MXI1: variants seen among roughly 807,000 people sequenced by gnomAD.
MXI1 encodes the protein max-interacting protein 1.
In MXI1, 18 loss-of-function variants were observed where a neutral mutation model predicts 36.9. That is an observed-to-expected ratio of 0.49 (90% CI 0.34 to 0.72). The LOEUF (loss-of-function observed/expected upper bound fraction) is 0.72. Among genes scored for constraint, MXI1 ranks in the 30% least tolerant of loss-of-function variants. The pLI, the probability that MXI1 is intolerant of heterozygous loss-of-function variation, is 0.01. For synonymous variants in MXI1, 160 were observed against 146.7 expected (o/e 1.09, Z -0.65); for missense variants, 304 against 379.1 (o/e 0.80, Z 1.64).
At chr10:110,251,010 T>TAA (rs60315131) in intron 3 of MXI1, among the ~76,000 whole-genome samples, 2,237 of 54,174 alleles carry the variant, frequency 0.041, 54 homozygotes, top group East Asian at 0.072. Flanking sequence ...AAGTATTTGT[T>TAA]AAAAAAAAAA....
At chr10:110,260,676 G>A (rs1212619848) in intron 3 of MXI1, among the ~76,000 whole-genome samples, 1 of 151,824 alleles carries the variant, frequency 6.6e-6, no homozygotes, top group African/African-American at 2.4e-5. Flanking sequence ...ATTTATATAA[G>A]ACTAGAATTT....
chr10:110,208,275 GA>G (rs1854413177), intron 1 of MXI1, 193 bp downstream of exon 1: 1 of 513,276 alleles, frequency 1.9e-6, no homozygotes, highest in African/African-American at 2.1e-5. Flanking sequence ...AAAGACGGGC[GA>G]GGGGGAGAGG....
At chr10:110,253,712 T>A (rs1856183401) in intron 3 of MXI1, among the ~76,000 whole-genome samples, 1 of 152,108 alleles carries the variant, frequency 6.6e-6, no homozygotes, top group Admixed American at 6.6e-5. Flanking sequence ...TTCAGCTGGA[T>A]TAAAAGTCTA....
At chr10:110,284,712 A>G in intron 5 of MXI1, 112 bp from the exon 6 acceptor site, 1 of 1,022,748 alleles carries the variant, frequency 9.8e-7, no homozygotes, top group Non-Finnish European at 1.4e-6. Context: ...CATCACTGAT[A>G]ATAAGCTTGT....
At chr10:110,215,380 A>C (rs1207217697) in intron 1 of MXI1, among the ~76,000 whole-genome samples, 1 of 152,148 alleles carries the variant, frequency 6.6e-6, no homozygotes, top group Non-Finnish European at 1.5e-5. Context: ...AGCACAGAGC[A>C]TCAGGGCCAG....
chr10:110,283,429 A>C (rs1829730519), intron 5 of MXI1, among the ~76,000 whole-genome samples: 2 of 152,126 alleles, frequency 1.3e-5, no homozygotes, highest in Admixed American at 6.5e-5. Context: ...ATGCCCAGCT[A>C]ATTTTTCTAT....
chr10:110,278,771 A>G (rs1391748188), intron 3 of MXI1, among the ~76,000 whole-genome samples: 3 of 152,130 alleles, frequency 2.0e-5, no homozygotes, highest in Non-Finnish European at 4.4e-5. Context: ...GGGGGGAAAT[A>G]GAAACTTGTG....
chr10:110,278,477 T>C (rs1857117146), intron 3 of MXI1, among the ~76,000 whole-genome samples: 1 of 152,142 alleles, frequency 6.6e-6, no homozygotes, highest in African/African-American at 2.4e-5. Flanking sequence ...CAGGGGATTA[T>C]TTTATGGGTT....
At chr10:110,217,978 A>T (rs989625890) in intron 1 of MXI1, among the ~76,000 whole-genome samples, 19 of 152,210 alleles carry the variant, frequency 1.2e-4, no homozygotes, top group African/African-American at 4.6e-4. Context: ...CAGGTGCTAT[A>T]ATAACCCTCA....
chr10:110,283,424 C>G (rs1269004816), intron 5 of MXI1, among the ~76,000 whole-genome samples: 1 of 152,082 alleles, frequency 6.6e-6, no homozygotes, highest in African/African-American at 2.4e-5. Flanking sequence ...CCACCATGCC[C>G]AGCTAATTTT....
At chr10:110,234,557 T>C (rs1017760940) in intron 2 of MXI1, among the ~76,000 whole-genome samples, 3 of 152,170 alleles carry the variant, frequency 2.0e-5, no homozygotes, top group Admixed American at 6.5e-5. Context: ...GCAGGTGTTA[T>C]ACATCTATGG....
chr10:110,223,561 G>C (rs1854873982), intron 1 of MXI1, among the ~76,000 whole-genome samples: 1 of 152,032 alleles, frequency 6.6e-6, no homozygotes, highest in Non-Finnish European at 1.5e-5. Flanking sequence ...GACAGAGTAA[G>C]ACTCCGTCTC....
intron 1 of MXI1, chr10:110,226,162 G>A (rs999881991): frequency 7.9e-6 from 11 of 1,389,028 alleles, no homozygotes; most frequent in Non-Finnish European, 1.0e-5. Context: ...GCCTCCTGTC[G>A]GCCCGAGAAG....
rs746035573 is a variant in MXI1 at position 110,207,965 on chromosome 10, G to A, written c.157G>A (p.Asp53Asn). The A allele has an allele frequency of 3.0e-5, 48 of 1,599,082 alleles. No individual in the cohort carries two copies. Among genetic ancestry groups the A allele is most frequent in the Non-Finnish European group, 2.0e-5 (24 of 1,173,418 alleles). Residue 53 changes from aspartate (D) to asparagine (N), a missense_variant, in exon 1 of 6, where the codon GAC becomes AAC. Coordinates refer to ENST00000332674, the MANE Select transcript of MXI1 (RefSeq NM_130439.3). ...GGCCAAGCCCAGGTGCCCCTTCTCA[G>A]ACATTTTCAACACCAGCGAGAACTC... is the stretch of plus-strand genomic sequence containing the variant. ...AGAKPRCPFS[D>N]IFNTSENSME...
chr10:110,227,925 C>CAAAA (rs201839727), intron 1 of MXI1: 25,812 of 442,180 alleles, frequency 0.058, 1,126 homozygotes, highest in Middle Eastern at 0.13. Context: ...TCTGAAATCT[C>CAAAA]AAGTTCTTGG....
In MXI1 at chr10:110,285,266, T is replaced by G; in HGVS notation, c.*279T>G. On this transcript the variant is annotated 3_prime_UTR_variant, in exon 6 of 6. Coordinates refer to ENST00000332674, the MANE Select transcript of MXI1 (RefSeq NM_130439.3). ...GAAAACTTGTGTGAAATTTTCTTGA[T>G]TTGAGTTGATTGAGAAGAGGACATT... The G allele has an allele frequency of 3.4e-6, 1 of 289,970 alleles. No individual in the cohort carries two copies. Among genetic ancestry groups the G allele is most frequent in the South Asian group, 7.4e-5 (1 of 13,468 alleles). 18.0% of individuals were successfully genotyped at this position (289,970 alleles called of 1,614,324 possible).
intron 3 of MXI1, among the ~76,000 whole-genome samples, chr10:110,255,118 T>C (rs1474265034): frequency 6.6e-6 from 1 of 152,204 alleles, no homozygotes; most frequent in East Asian, 1.9e-4. Context: ...GCTGATGGGC[T>C]GATGTAGCTG....
chr10:110,267,404 G>A (rs1172600392), intron 3 of MXI1, among the ~76,000 whole-genome samples: 2 of 152,278 alleles, frequency 1.3e-5, no homozygotes, highest in East Asian at 3.9e-4. Flanking sequence ...ATCTGTTGGT[G>A]TCATTGTCAA....
chr10:110,225,269 G>C (rs4917554), intron 1 of MXI1, among the ~76,000 whole-genome samples: 37,083 of 152,128 alleles, frequency 0.24, 5,686 homozygotes, highest in African/African-American at 0.44. Flanking sequence ...ACAGGTCTCA[G>C]TGTAAGTAGC....
Sources: allele counts gnomAD v4.1 joint callset (sites outside exome capture counted in the v4.1 genomes callset), GRCh38; gene constraint gnomAD v4.1.1; transcripts MANE v1.5; gene names NCBI Gene and HGNC (gene_info 2026-07-23, HGNC 2026-07-21).